The following OR13G1 variants were observed in gnomAD, a reference collection of about 807,000 sequenced individuals.
OR13G1 encodes the protein olfactory receptor 13G1.
For missense variants in OR13G1, 369 were observed against 385.7 expected, an observed-to-expected ratio of 0.96 and a Z score of 0.36; for synonymous variants, 128 against 136.2, an observed-to-expected ratio of 0.94 and a Z score of 0.42.
chr1:247,675,416 C>T (rs1007091501), intron 1 of OR13G1, among the ~76,000 whole-genome samples: 1 of 152,136 alleles, frequency 6.6e-6, no homozygotes, highest in African/African-American at 2.4e-5. Flanking sequence ...TCTTAAAGTT[C>T]ACAGGAGATG....
In OR13G1 at chr1:247,671,521, G is replaced by C. The variant is rs1378548600; in HGVS notation, c.*597C>G. The C allele has an allele frequency of 6.5e-6, 1 of 154,818 alleles. No homozygotes were observed. The highest frequency in any genetic ancestry group is 1.4e-5 in the Non-Finnish European group (1 of 69,746). The allele number at this position is 154,818 out of a possible 1,614,324, so 9.6% of individuals were successfully genotyped here. A position where few individuals can be genotyped will look rare whatever the true frequency, so the allele number is the denominator to read the frequency against. ...TGTACTCACTGGTTTAAAAGGACTG[G>C]AGTAATATTCTGTCACTTTTTCCTG... is the stretch of plus-strand genomic sequence containing the variant. On this transcript the variant is annotated 3_prime_UTR_variant, in exon 2 of 2. Transcript: ENST00000642119.
chr1:247,679,379 A>C (rs1019845952), intron 1 of OR13G1, among the ~76,000 whole-genome samples: 3 of 152,076 alleles, frequency 2.0e-5, no homozygotes, highest in Admixed American at 6.6e-5. Context: ...TGAAAGGAAA[A>C]ATTTTGAAAG....
At chr1:247,678,300 C>T (rs1659392085) in intron 1 of OR13G1, among the ~76,000 whole-genome samples, 1 of 152,168 alleles carries the variant, frequency 6.6e-6, no homozygotes, top group Non-Finnish European at 1.5e-5. Context: ...TCCAACAGCA[C>T]AGTTTATTCT....
chr1:247,675,921 A>G (rs992887193), intron 1 of OR13G1, among the ~76,000 whole-genome samples: 1 of 152,158 alleles, frequency 6.6e-6, no homozygotes. Flanking sequence ...ATCAAAAGCC[A>G]TTTACTCCTG....
chr1:247,676,661 C>A (rs1234308141), intron 1 of OR13G1, among the ~76,000 whole-genome samples: 2 of 152,090 alleles, frequency 1.3e-5, no homozygotes, highest in East Asian at 3.9e-4. Flanking sequence ...AGTTATAAAA[C>A]AATTTTATAT....
intron 1 of OR13G1, among the ~76,000 whole-genome samples, chr1:247,678,066 G>A (rs1659387963): frequency 6.6e-6 from 1 of 152,224 alleles, no homozygotes; most frequent in East Asian, 1.9e-4. Flanking sequence ...TCGCGCCATT[G>A]CACTCCGACC....
At position 247,672,771 on chromosome 1, in the gene OR13G1, A is replaced by G; in HGVS notation, c.271T>C (p.Tyr91His). The change falls in exon 2 of 2, where the codon TAT (tyrosine) becomes CAT (histidine). Residue 91 changes from tyrosine (Y) to histidine (H), a missense_variant. Transcript: ENST00000642119. ...TMLTSENTIS[Y>H]AGCMSQLFLF... The stretch of plus-strand genomic sequence containing the variant: ...AAGAGCTGGGACATGCAGCCTGCAT[A>G]TGAAATGGTATTTTCTGATGTTAGC... 6.2e-7 allele frequency: 1 copy of G among 1,613,040 alleles called. No homozygotes were observed. The highest frequency in any genetic ancestry group is 8.5e-7 in the Non-Finnish European group (1 of 1,179,520).
In OR13G1 at chr1:247,672,437, G is replaced by A. The variant is rs1659228025; in HGVS notation, c.605C>T (p.Thr202Ile). Residue 202 changes from threonine (T) to isoleucine (I), a missense_variant, in exon 2 of 2, where the codon ACC becomes ATC. Thr to Ile is a moderately conservative substitution (Grantham distance 89, BLOSUM62 -1). Transcript: ENST00000642119. ...NEVMVYVADITLAIGDFILTC... is the reference protein window; with the variant it reads ...NEVMVYVADIILAIGDFILTC... ...AAGAATAAAGTCCCCTATGGCCAGG[G>A]TAATATCAGCAACATACACCATCAC... 6.2e-6 allele frequency: 10 copies of A among 1,613,930 alleles called. No homozygotes were observed. Among genetic ancestry groups the A allele is most frequent in the African/African-American group, 1.3e-5 (1 of 74,902 alleles).
At chr1:247,675,312 T>A (rs28490022) in intron 1 of OR13G1, among the ~76,000 whole-genome samples, 1 of 152,058 alleles carries the variant, frequency 6.6e-6, no homozygotes, top group African/African-American at 2.4e-5. Flanking sequence ...TCAATGTTAT[T>A]TATCCACGTA....
chr1:247,679,485 A>AG (rs1394717287), intron 1 of OR13G1, among the ~76,000 whole-genome samples, 155 bp downstream of exon 1: 19 of 90,516 alleles, frequency 2.1e-4, no homozygotes, highest in Non-Finnish European at 1.3e-4. Context: ...CCGCGGATGG[A>AG]TTGTGTGTGT....
intron 1 of OR13G1, among the ~76,000 whole-genome samples, chr1:247,674,832 T>C (rs1151659): frequency 0.72 from 110,007 of 151,998 alleles, 41,020 homozygotes; most frequent in East Asian, 0.98. Context: ...CTATTCACCT[T>C]TCTACTATAT....
intron 1 of OR13G1, among the ~76,000 whole-genome samples, chr1:247,676,383 T>C (rs1001929508): frequency 1.1e-4 from 16 of 152,088 alleles, no homozygotes; most frequent in African/African-American, 3.9e-4. Context: ...CAGAAATGTA[T>C]TTGAAAAGAT....
rs1333301269 is a variant in OR13G1, at chr1:247,672,465, C to T, written c.577G>A (p.Glu193Lys). ...ATATCAGCAACATACACCATCACCTCATTGATTCTTACAGGGCTACAGGAC... is the reference window on the plus strand; with the variant it reads ...ATATCAGCAACATACACCATCACCTTATTGATTCTTACAGGGCTACAGGAC... ...ALSCSPVRIN[E>K]VMVYVADITL... The change falls in exon 2 of 2, where the codon GAG becomes AAG. Residue 193 changes from glutamate to lysine, a missense_variant. By Grantham distance (56) the Glu-to-Lys change is moderately conservative (BLOSUM62 1). Coordinates refer to ENST00000642119, the MANE Select transcript of OR13G1 (RefSeq NM_001005487.2). The T allele has an allele frequency of 6.2e-7, 1 of 1,614,116 alleles. No homozygotes were observed. Among genetic ancestry groups the T allele is most frequent in the African/African-American group, 1.3e-5 (1 of 75,026 alleles).
At position 247,671,551 on chromosome 1, in the gene OR13G1, C is replaced by A; in HGVS notation, c.*567G>T. The A allele has an allele frequency of 6.4e-6, 1 of 155,388 alleles. No individual in the cohort carries two copies. The highest frequency in any genetic ancestry group is 2.0e-4 in the South Asian group (1 of 5,096). The allele number at this position is 155,388 out of a possible 1,614,324, so 9.6% of individuals were successfully genotyped here. ...ATATTCTGTCACTTTTTCCTGAACACATGGAGACTTTAGAGTTTGCCCAAT... is the reference window on the plus strand; with the variant it reads ...ATATTCTGTCACTTTTTCCTGAACAAATGGAGACTTTAGAGTTTGCCCAAT... On this transcript the variant is annotated 3_prime_UTR_variant, in exon 2 of 2. Coordinates refer to ENST00000642119, the MANE Select transcript of OR13G1 (RefSeq NM_001005487.2).
intron 1 of OR13G1, 131 bp from the exon 2 acceptor site, chr1:247,673,410 TG>T (rs1659250418): frequency 5.0e-6 from 1 of 200,612 alleles, no homozygotes; most frequent in African/African-American, 2.4e-5. Flanking sequence ...GTATATATTC[TG>T]GATATGCATA....
chr1:247,672,190 C>T lies in OR13G1; in HGVS notation c.852G>A (p.Pro284=), dbSNP rs762243934. Residue 284 remains proline, a synonymous_variant, in exon 2 of 2, where the codon CCG becomes CCA. Transcript: ENST00000642119. ...CCCTATTCTGGAAGCTGTACACCAT[C>T]GGGTTTAATGTGGGAGTCACAAGAG... ...LYTLVTPTLN[P]MVYSFQNREM... is the part of the protein sequence containing the mutation. 5.0e-6 allele frequency: 8 copies of T among 1,614,100 alleles called. No individual in the cohort carries two copies. The highest frequency in any genetic ancestry group is 1.3e-5 in the African/African-American group (1 of 75,044).
At chr1:247,677,605 C>T (rs1659371469) in intron 1 of OR13G1, among the ~76,000 whole-genome samples, 1 of 152,162 alleles carries the variant, frequency 6.6e-6, no homozygotes, top group South Asian at 2.1e-4. Context: ...TATAAAACTA[C>T]ATACAGAAAA....
chr1:247,671,858 G>A lies in OR13G1; in HGVS notation c.*260C>T, dbSNP rs112937841. The A allele has an allele frequency of 4.7e-4, 208 of 444,936 alleles. 1 individual carries two copies. The highest frequency in any genetic ancestry group is 3.4e-3 in the African/African-American group (173 of 51,222). The allele number at this position is 444,936 out of a possible 1,614,324, so 27.6% of individuals were successfully genotyped here. A position where few individuals can be genotyped will look rare whatever the true frequency, so the allele number is the denominator to read the frequency against. Reference sequence around the variant, plus strand: ...TGTGTATATGCATATATAAGTATTCGAAGTTATGTACATATTTTTGGAAAA... The same window carrying A: ...TGTGTATATGCATATATAAGTATTCAAAGTTATGTACATATTTTTGGAAAA... On this transcript the variant is annotated 3_prime_UTR_variant, in exon 2 of 2. Transcript: ENST00000642119.
At chr1:247,675,926 C>T (rs1326156265) in intron 1 of OR13G1, among the ~76,000 whole-genome samples, 2 of 152,138 alleles carry the variant, frequency 1.3e-5, no homozygotes, top group Non-Finnish European at 2.9e-5. Context: ...AAGCCATTTA[C>T]TCCTGGCCGT....
Sources: allele counts gnomAD v4.1 joint callset (sites outside exome capture counted in the v4.1 genomes callset), GRCh38; gene constraint gnomAD v4.1.1; transcripts MANE v1.5; gene names NCBI Gene and HGNC (gene_info 2026-07-23, HGNC 2026-07-21).